Variants in UBE3A observed in about 807,000 individuals in gnomAD.
UBE3A encodes ubiquitin-protein ligase E3A.
In UBE3A, 6 loss-of-function variants were observed where a neutral mutation model predicts 83.4. The ratio of observed to expected loss-of-function variants is 0.07; its 90% CI spans 0.04 to 0.14. The LOEUF is 0.14. Ranked by LOEUF, UBE3A falls within the 10% of genes least tolerant of loss-of-function variation. UBE3A has a pLI of 1.00. For synonymous variants in UBE3A, 337 were observed against 355.4 expected (o/e 0.95, Z 0.58); for missense variants, 456 against 1,036.1 (o/e 0.44, Z 7.69).
At chr15:25,385,870 A>G (rs1447630339) in intron 4 of UBE3A, among the ~76,000 whole-genome samples, 4 of 152,174 alleles carry the variant, frequency 2.6e-5, no homozygotes, top group Non-Finnish European at 5.9e-5. Flanking sequence ...GGGGAGCCCT[A>G]CAATTTTCTA....
chr15:25,384,295 T>C (rs2082700602), intron 4 of UBE3A, among the ~76,000 whole-genome samples: 1 of 151,716 alleles, frequency 6.6e-6, no homozygotes, highest in South Asian at 2.1e-4. Context: ...CTGTCTCTAC[T>C]AAAAATACAA....
At chr15:25,408,653 C>T in intron 3 of UBE3A, 1 of 1,613,428 alleles carries the variant, frequency 6.2e-7, no homozygotes, top group Non-Finnish European at 8.5e-7. Context: ...CTCCATCCTG[C>T]AAGCCACTCC....
At chr15:25,411,785 G>A (rs1408565693) in intron 2 of UBE3A, 123 bp downstream of exon 2, 1 of 152,220 alleles carries the variant, frequency 6.6e-6, no homozygotes, top group East Asian at 1.9e-4. Flanking sequence ...AGTGTAGTTA[G>A]TGAGCACCTG....
Position 25,337,283 on chromosome 15 carries a change from G to C in UBE3A, c.*1854C>G, listed in dbSNP as rs559005808. On this transcript the variant is annotated 3_prime_UTR_variant, in exon 13 of 13. Coordinates refer to ENST00000648336, the MANE Select transcript of UBE3A (RefSeq NM_130839.5). Reference sequence around the variant, plus strand: ...ATTTATTATATAAAACGCCCTCAGAGTATTTAATTTCTCCTCACTTTAATT... The same window carrying C: ...ATTTATTATATAAAACGCCCTCAGACTATTTAATTTCTCCTCACTTTAATT... 7.9e-5 allele frequency: 12 copies of C among 152,192 alleles called. No individual in the cohort carries two copies. The South Asian group carries it at 1.2e-3, about 16-fold the overall frequency. The allele number at this position is 152,192 out of a possible 1,614,324, so 9.4% of individuals were successfully genotyped here.
At chr15:25,362,512 C>T (rs769453546) in intron 6 of UBE3A, among the ~76,000 whole-genome samples, 9 of 152,080 alleles carry the variant, frequency 5.9e-5, no homozygotes, top group East Asian at 1.9e-4. Flanking sequence ...TATATGAGAA[C>T]GAGTGTTACC....
chr15:25,343,241 G>GA (rs757566348), intron 11 of UBE3A, among the ~76,000 whole-genome samples: 20 of 152,272 alleles, frequency 1.3e-4, no homozygotes, highest in Middle Eastern at 3.4e-3. Context: ...GTTATTATGG[G>GA]AAGAGTCTGG....
rs200097611 is a variant in UBE3A, at chr15:25,360,372, A to T, written c.1753+11T>A. 6.2e-7 allele frequency: 1 copy of T among 1,613,396 alleles called. No homozygotes were observed. Among genetic ancestry groups the T allele is most frequent in the African/African-American group, 1.3e-5 (1 of 74,896 alleles). On this transcript the variant is annotated intron_variant, in intron 7 of 12. Coordinates refer to ENST00000648336, the MANE Select transcript of UBE3A (RefSeq NM_130839.5). The stretch of plus-strand genomic sequence containing the variant: ...GATACGACACCATAATCACATTACT[A>T]ATGTATTTACCAATATCTGGATTGA...
At chr15:25,411,580 ACT>A (rs1421114916) in intron 2 of UBE3A, among the ~76,000 whole-genome samples, 1 of 152,168 alleles carries the variant, frequency 6.6e-6, no homozygotes, top group African/African-American at 2.4e-5. Flanking sequence ...ACAGAGCAAG[ACT>A]CTGTCTCAAA....
At position 25,338,840 on chromosome 15, in the gene UBE3A, CCT is replaced by C. The variant is rs1408129441; in HGVS notation, c.*295_*296del. On this transcript the variant is annotated 3_prime_UTR_variant, in exon 13 of 13. Transcript: ENST00000648336. ...CCCTTAAAATAAATATTCAGAAAAA[CCT>C]CTCTGTACATACAAGTGAAAGAATA... 1.2e-5 allele frequency: 2 copies of C among 160,534 alleles called. No homozygotes were observed. The highest frequency in any genetic ancestry group is 1.3e-4 in the Admixed American group (2 of 15,548). 9.9% of individuals were successfully genotyped at this position (160,534 alleles called of 1,614,324 possible).
chr15:25,353,043 CT>C (rs1354822499), intron 11 of UBE3A, among the ~76,000 whole-genome samples: 8 of 152,130 alleles, frequency 5.3e-5, no homozygotes, highest in African/African-American at 1.9e-4. Context: ...CAAGATATGA[CT>C]TTTTTTCCTA....
At chr15:25,414,690 G>T (rs1462839213) in intron 1 of UBE3A, among the ~76,000 whole-genome samples, 1 of 152,152 alleles carries the variant, frequency 6.6e-6, no homozygotes, top group Non-Finnish European at 1.5e-5. Flanking sequence ...CTCTTTCCCA[G>T]TATATCAAAT....
At chr15:25,412,339 T>C (rs1009037436) in intron 1 of UBE3A, among the ~76,000 whole-genome samples, 1 of 152,244 alleles carries the variant, frequency 6.6e-6, no homozygotes, top group Admixed American at 6.5e-5. Context: ...TTAAATTCTA[T>C]ATGCTAAGCA....
intron 1 of UBE3A, among the ~76,000 whole-genome samples, chr15:25,433,318 G>C (rs530102300): frequency 3.2e-4 from 49 of 151,902 alleles, no homozygotes; most frequent in African/African-American, 9.2e-4. Context: ...TGAGTAGTTG[G>C]GACTACAGGC....
intron 1 of UBE3A, among the ~76,000 whole-genome samples, chr15:25,415,048 T>C (rs1254420284): frequency 3.3e-5 from 5 of 152,204 alleles, no homozygotes; most frequent in Non-Finnish European, 1.5e-5. Context: ...CCCTAATTTG[T>C]CTGATTCTAA....
chr15:25,356,634 T>G (rs1229416421), intron 8 of UBE3A, 57 bp downstream of exon 8: 2 of 1,530,008 alleles, frequency 1.3e-6, no homozygotes, highest in Non-Finnish European at 9.0e-7. Context: ...ATAAATTAAA[T>G]TTTTGCATTT....
At chr15:25,405,565 A>AT (rs2088316575) in intron 3 of UBE3A, 63 bp from the exon 4 acceptor site, 1 of 1,552,244 alleles carries the variant, frequency 6.4e-7, no homozygotes. Context: ...AAAGGTAGAC[A>AT]TATTACTTAG....
intron 11 of UBE3A, 54 bp downstream of exon 11, chr15:25,354,299 A>C: frequency 6.4e-7 from 1 of 1,562,776 alleles, no homozygotes; most frequent in Non-Finnish European, 8.8e-7. Flanking sequence ...CTGAAGCAAA[A>C]TCACACACCC....
In UBE3A at chr15:25,338,967, A is replaced by C; in HGVS notation, c.*170T>G. On this transcript the variant is annotated 3_prime_UTR_variant, in exon 13 of 13. Coordinates refer to ENST00000648336, the MANE Select transcript of UBE3A (RefSeq NM_130839.5). ...GTTCCAGCCCACATGTCCCCAATAAAGAAGGGAGGCACAGACATAGGTGAC... is the reference window on the plus strand; with the variant it reads ...GTTCCAGCCCACATGTCCCCAATAACGAAGGGAGGCACAGACATAGGTGAC... 5.5e-6 allele frequency: 3 copies of C among 549,888 alleles called. No homozygotes were observed. The Admixed American group carries it at 1.2e-4, about 22-fold the overall frequency. The allele number at this position is 549,888 out of a possible 1,614,324, so 34.1% of individuals were successfully genotyped here. A position where few individuals can be genotyped will look rare whatever the true frequency, so the allele number is the denominator to read the frequency against.
chr15:25,357,502 C>T (rs1046464709), intron 7 of UBE3A: 2 of 152,316 alleles, frequency 1.3e-5, no homozygotes, highest in East Asian at 3.9e-4. Context: ...GTGTGCACCA[C>T]CACGCCAGCT....
Sources: gnomAD v4.1 joint callset for allele counts (sites outside exome capture counted in the v4.1 genomes callset) on GRCh38, gnomAD v4.1.1 for gene constraint, MANE v1.5 for transcripts, NCBI Gene and HGNC (gene_info 2026-07-23, HGNC 2026-07-21) for gene names.